Variants in DLGAP3 observed in about 807,000 individuals in gnomAD.
The protein encoded by DLGAP3 is DLG associated protein 3.
A neutral mutation model predicts 81.2 loss-of-function variants in DLGAP3; 17 were observed. The ratio of observed to expected loss-of-function variants is 0.21; its 90% CI spans 0.14 to 0.31. The LOEUF is 0.31. DLGAP3 is among the 10% of genes least tolerant of loss of function. The pLI, the probability that DLGAP3 is intolerant of heterozygous loss-of-function variation, is 1.00. For missense variants in DLGAP3, 1,124 were observed against 1,388.0 expected (o/e 0.81, Z 3.02); for synonymous variants, 577 against 587.4 (o/e 0.98, Z 0.26).
In DLGAP3 at chr1:34,868,954, G is replaced by C. The variant is rs779200016; in HGVS notation, c.2136C>G (p.His712Gln). Reference sequence around the variant, plus strand: ...GGGGCCCAGGCTGGGGCTCAGAGGCGTGCCTCTGGAAGGAGCGTCCAAACT... The same window carrying C: ...GGGGCCCAGGCTGGGGCTCAGAGGCCTGCCTCTGGAAGGAGCGTCCAAACT... ...ALQFGRSFQRHASEPQPGPRA... is the reference protein window; with the variant it reads ...ALQFGRSFQRQASEPQPGPRA... The change falls in exon 9 of 12, where the codon CAC (histidine) becomes CAG (glutamine). Residue 712 changes from histidine to glutamine, a missense_variant. Around this residue, in one of 9 missense-constraint regions of DLGAP3, gnomAD observed 379 missense variants for 455.7 expected, o/e 0.83. Transcript: ENST00000373347. The surrounding 1 kb of genome is among the most constrained non-coding windows in gnomAD (Gnocchi z 7.5). 1 of 1,609,860 alleles carries C rather than the reference G, an allele frequency of 6.2e-7. No individual in the cohort carries two copies. Among genetic ancestry groups the C allele is most frequent in the African/African-American group, 1.3e-5 (1 of 75,062 alleles).
chr1:34,903,315 G>A (rs1412387975), intron 3 of DLGAP3, among the ~76,000 whole-genome samples: 2 of 152,084 alleles, frequency 1.3e-5, no homozygotes, highest in African/African-American at 4.8e-5. Flanking sequence ...CTGCTTCCTT[G>A]TCTATTCCCA....
In DLGAP3 at chr1:34,904,548, G is replaced by A. The variant is rs148322707; in HGVS notation, c.836C>T (p.Pro279Leu). 1 of 1,614,118 alleles carries A rather than the reference G, an allele frequency of 6.2e-7. No homozygotes were observed. The highest frequency in any genetic ancestry group is 1.1e-5 in the South Asian group (1 of 91,078). The part of the protein sequence containing the change: ...SDSGFLAGGR[P>L]PGEPGGPFCL... Reference sequence around the variant, plus strand: ...GAAGGGACCACCAGGCTCCCCAGGGGGCCTCCCACCCGCCAGGAAGCCGCT... The same window carrying A: ...GAAGGGACCACCAGGCTCCCCAGGGAGCCTCCCACCCGCCAGGAAGCCGCT... The change falls in exon 3 of 12, where the codon CCC becomes CTC. Residue 279 changes from proline (P) to leucine (L), a missense_variant. Transcript: ENST00000373347. The surrounding 1 kb of genome is among the most constrained non-coding windows in gnomAD (Gnocchi z 8.1).
rs1277323912 is a variant in DLGAP3 at position 34,900,114 on chromosome 1, G to A, written c.1267C>T (p.Arg423Cys). ...CTGGAGGAGCGACGGGTGGTGAAGCGTCGGGCGACTGCTTTGGGAGATGTC... is the reference window on the plus strand; with the variant it reads ...CTGGAGGAGCGACGGGTGGTGAAGCATCGGGCGACTGCTTTGGGAGATGTC... ...PKTSPKAVAR[R>C]FTTRRSSSVD... The change falls in exon 4 of 12, where the codon CGC becomes TGC. Residue 423 changes from arginine to cysteine, a missense_variant. This residue lies in a region of DLGAP3 where 357 missense variants were observed against 408.8 expected (regional missense o/e 0.87). Coordinates refer to ENST00000373347, the MANE Select transcript of DLGAP3 (RefSeq NM_001080418.3). This position sits in a 1 kb window ranked among gnomAD's most constrained non-coding sequence, Gnocchi z 5.6. 12 of 1,613,814 alleles carry A rather than the reference G, an allele frequency of 7.4e-6. No individual in the cohort carries two copies. The highest frequency in any genetic ancestry group is 1.1e-5 in the South Asian group (1 of 91,088).
At chr1:34,878,797 G>T (rs1284131964) in intron 8 of DLGAP3, among the ~76,000 whole-genome samples, 1 of 152,188 alleles carries the variant, frequency 6.6e-6, no homozygotes, top group Admixed American at 6.5e-5. Flanking sequence ...CTGGGTGGGC[G>T]CAGTGGCTCA....
Position 34,902,790 on chromosome 1 carries a change from T to C in DLGAP3, c.1107+1487A>G, listed in dbSNP as rs1468729059. On this transcript the variant is annotated intron_variant, in intron 3 of 11. Coordinates refer to ENST00000373347, the MANE Select transcript of DLGAP3 (RefSeq NM_001080418.3). The surrounding 1 kb of genome is among the most constrained non-coding windows in gnomAD (Gnocchi z 4.4). The stretch of plus-strand genomic sequence containing the variant: ...CTGCAGGACACTGTGAGGTGCATGT[T>C]AAAAAGGAAGCCCCCAGGGAGGTCA... Among the ~76,000 whole-genome samples, 3 of 151,928 alleles carry C rather than the reference T, an allele frequency of 2.0e-5. No individual in the cohort carries two copies. The South Asian group carries it at 6.2e-4, about 32-fold the overall frequency.
At chr1:34,891,100 A>C (rs1328165046) in intron 5 of DLGAP3, among the ~76,000 whole-genome samples, 1 of 152,240 alleles carries the variant, frequency 6.6e-6, no homozygotes, top group East Asian at 1.9e-4. Context: ...AACTGTCAAA[A>C]CCCACCATTT....
rs906409606 is a variant in DLGAP3 at position 34,881,581 on chromosome 1, C to A, written c.2000+3397G>T. Among the ~76,000 whole-genome samples, 15 of 151,904 alleles carry A rather than the reference C, an allele frequency of 9.9e-5. 1 individual carries two copies. Among genetic ancestry groups the A allele is most frequent in the Admixed American group, 3.9e-4 (6 of 15,254 alleles). On this transcript the variant is annotated intron_variant, in intron 8 of 11. Coordinates refer to ENST00000373347, the MANE Select transcript of DLGAP3 (RefSeq NM_001080418.3). ...AGGAGCCTGGAGTTCTGACACTGCACTCCCTACATCTAAGCTGGCTTTTTT... is the reference window on the plus strand; with the variant it reads ...AGGAGCCTGGAGTTCTGACACTGCAATCCCTACATCTAAGCTGGCTTTTTT...
intron 5 of DLGAP3, among the ~76,000 whole-genome samples, chr1:34,894,938 A>T (rs1225512053): frequency 6.6e-6 from 1 of 152,228 alleles, no homozygotes; most frequent in Admixed American, 6.5e-5. Context: ...GTGTCCTAAG[A>T]TCACTTAAGT....
chr1:34,885,578 C>T lies in DLGAP3; in HGVS notation c.1814G>A (p.Ser605Asn), dbSNP rs773032545. The change falls in exon 7 of 12, where the codon AGC becomes AAC. Residue 605 changes from serine (S) to asparagine (N), a missense_variant. By Grantham distance (46) the Ser-to-Asn change is conservative (BLOSUM62 1). This residue lies in a region of DLGAP3 where 379 missense variants were observed against 455.7 expected (regional missense o/e 0.83). Coordinates refer to ENST00000373347, the MANE Select transcript of DLGAP3 (RefSeq NM_001080418.3). ...LELAPVPPRASPKPPTLIIKT... is the reference protein window; with the variant it reads ...LELAPVPPRANPKPPTLIIKT... The stretch of plus-strand genomic sequence containing the variant: ...GATGATGAGTGTGGGGGGCTTGGGG[C>T]TGGCCCGGGGCGGCACCGGCGCCAA... The T allele has an allele frequency of 6.2e-7, 1 of 1,602,300 alleles. No homozygotes were observed. The highest frequency in any genetic ancestry group is 2.2e-5 in the East Asian group (1 of 44,692).
At chr1:34,914,306 T>A (rs1432642892) in intron 1 of DLGAP3, among the ~76,000 whole-genome samples, 3 of 152,214 alleles carry the variant, frequency 2.0e-5, no homozygotes, top group Admixed American at 6.5e-5. Context: ...TTTTCTCAGC[T>A]ATCTCTTCCT....
Position 34,866,007 on chromosome 1 carries a change from A to T in DLGAP3, c.*76T>A. On this transcript the variant is annotated 3_prime_UTR_variant, in exon 12 of 12. Coordinates refer to ENST00000373347, the MANE Select transcript of DLGAP3 (RefSeq NM_001080418.3). ...CGGGCGCACGGGGCGGCCCGCGTTC[A>T]CAGTGACCTCGACGCTGGGTGTACA... is the stretch of plus-strand genomic sequence containing the variant. 1 of 1,326,282 alleles carries T rather than the reference A, an allele frequency of 7.5e-7. No individual in the cohort carries two copies. Among genetic ancestry groups the T allele is most frequent in the Non-Finnish European group, 1.0e-6 (1 of 963,014 alleles). The allele number at this position is 1,326,282 out of a possible 1,614,324, so 82.2% of individuals were successfully genotyped here.
intron 1 of DLGAP3, among the ~76,000 whole-genome samples, chr1:34,914,463 C>T (rs6682829): frequency 0.35 from 53,704 of 152,056 alleles, 11,207 homozygotes; most frequent in East Asian, 0.63. Flanking sequence ...CTCTAGGACC[C>T]GAACTCCTCT....
intron 11 of DLGAP3, among the ~76,000 whole-genome samples, chr1:34,866,760 C>A (rs953753871): frequency 6.6e-6 from 1 of 150,516 alleles, no homozygotes; most frequent in African/African-American, 2.4e-5. Flanking sequence ...TCTACTTTTG[C>A]TCTCTCCAGC....
chr1:34,877,511 T>C (rs74339930), intron 8 of DLGAP3, among the ~76,000 whole-genome samples: 256 of 152,250 alleles, frequency 1.7e-3, no homozygotes, highest in African/African-American at 5.8e-3. Flanking sequence ...TAAAAAACAA[T>C]AGTGAACACA....
chr1:34,875,733 G>A (rs1639040884), intron 8 of DLGAP3, among the ~76,000 whole-genome samples: 1 of 152,234 alleles, frequency 6.6e-6, no homozygotes, highest in Non-Finnish European at 1.5e-5. Context: ...AGGGAAACAG[G>A]TGCCATAAGG....
chr1:34,866,673 T>C (rs1302971740), intron 11 of DLGAP3, among the ~76,000 whole-genome samples: 4 of 152,188 alleles, frequency 2.6e-5, no homozygotes, highest in Admixed American at 6.5e-5. Context: ...TCCAGGGACC[T>C]GGCGGCTGAG....
intron 8 of DLGAP3, among the ~76,000 whole-genome samples, chr1:34,882,118 A>G (rs1217802277): frequency 1.3e-5 from 2 of 152,124 alleles, no homozygotes; most frequent in Non-Finnish European, 2.9e-5. Context: ...TATGAGACTA[A>G]TAAGAGAGAC....
At chr1:34,896,282 G>C (rs141624742) in intron 5 of DLGAP3, among the ~76,000 whole-genome samples, 76 of 152,278 alleles carry the variant, frequency 5.0e-4, no homozygotes, top group Admixed American at 1.6e-3. Context: ...AAGAAGGGAA[G>C]AGGTCATCAA....
intron 8 of DLGAP3, among the ~76,000 whole-genome samples, chr1:34,877,267 T>C (rs940660307): frequency 3.9e-5 from 6 of 152,172 alleles, no homozygotes; most frequent in Non-Finnish European, 8.8e-5. Context: ...AAGGTCTGTT[T>C]CATTTGCAAA....
Sources: gnomAD v4.1 joint callset for allele counts (sites outside exome capture counted in the v4.1 genomes callset) on GRCh38, gnomAD v4.1.1 for gene constraint, gnomAD v4.1.1 regional missense constraint, Gnocchi (gnomAD v3.1) non-coding constraint, MANE v1.5 for transcripts, NCBI Gene and HGNC (gene_info 2026-07-23, HGNC 2026-07-21) for gene names.